MARCHF5: variants seen among roughly 807,000 people sequenced by gnomAD.
MARCHF5 encodes membrane associated ring-CH-type finger 5.
MARCHF5 carries 5 observed loss-of-function variants against 36.5 expected under a neutral mutation model. That is an observed-to-expected ratio of 0.14 (90% CI 0.07 to 0.29). MARCHF5 has a LOEUF of 0.29. MARCHF5 is among the 10% of genes least tolerant of loss of function. MARCHF5 has a pLI of 1.00. For missense variants in MARCHF5, 179 were observed against 336.3 expected (o/e 0.53, Z 3.66); for synonymous variants, 103 against 109.9 (o/e 0.94, Z 0.39).
intron 2 of MARCHF5, among the ~76,000 whole-genome samples, chr10:92,321,136 A>G (rs1843284743): frequency 6.6e-6 from 1 of 152,096 alleles, no homozygotes; most frequent in Admixed American, 6.6e-5. Flanking sequence ...TAAATAGGCT[A>G]CACCATACCG....
At chr10:92,348,075 C>T (rs1056067174) in intron 3 of MARCHF5, among the ~76,000 whole-genome samples, 1 of 151,576 alleles carries the variant, frequency 6.6e-6, no homozygotes, top group African/African-American at 2.4e-5. Flanking sequence ...CCCAGCTACT[C>T]GAAAGGCTGA....
At chr10:92,336,857 T>C (rs974856589) in intron 2 of MARCHF5, among the ~76,000 whole-genome samples, 1 of 152,204 alleles carries the variant, frequency 6.6e-6, no homozygotes, top group Non-Finnish European at 1.5e-5. Context: ...GCCCAGTGGC[T>C]CACTGCTGTA....
chr10:92,350,016 A>C, intron 5 of MARCHF5, 179 bp downstream of exon 5: 1 of 583,858 alleles, frequency 1.7e-6, no homozygotes, highest in Non-Finnish European at 3.0e-6. Context: ...AAACCACTGC[A>C]GCAGTTCTGG....
intron 1 of MARCHF5, among the ~76,000 whole-genome samples, chr10:92,301,545 GT>G (rs1843011874): frequency 6.6e-6 from 1 of 152,182 alleles, no homozygotes; most frequent in Admixed American, 6.5e-5. Context: ...GGGATTAATT[GT>G]GCTTTCAGAG....
chr10:92,349,039 A>G (rs1040340322), intron 3 of MARCHF5, among the ~76,000 whole-genome samples: 1 of 152,192 alleles, frequency 6.6e-6, no homozygotes, highest in Non-Finnish European at 1.5e-5. Flanking sequence ...CAGTCTAACC[A>G]AATCAAATAA....
intron 3 of MARCHF5, among the ~76,000 whole-genome samples, chr10:92,341,847 G>A (rs1397793011): frequency 7.1e-6 from 1 of 141,022 alleles, no homozygotes; most frequent in Non-Finnish European, 1.5e-5. Flanking sequence ...TGGGCATGTG[G>A]TGGCACAGTC....
At chr10:92,314,086 T>C (rs1843178356) in intron 2 of MARCHF5, among the ~76,000 whole-genome samples, 1 of 151,772 alleles carries the variant, frequency 6.6e-6, no homozygotes, top group African/African-American at 2.4e-5. Flanking sequence ...AGCACACCTG[T>C]TGTAAGTCCT....
At chr10:92,346,179 C>T (rs1207956133) in intron 3 of MARCHF5, among the ~76,000 whole-genome samples, 1 of 152,172 alleles carries the variant, frequency 6.6e-6, no homozygotes, top group African/African-American at 2.4e-5. Context: ...TGCTTAATCA[C>T]CTTTCATTTA....
intron 2 of MARCHF5, among the ~76,000 whole-genome samples, chr10:92,331,941 G>GTA (rs1188909358): frequency 3.1e-5 from 4 of 129,944 alleles, no homozygotes; most frequent in East Asian, 2.2e-4. Flanking sequence ...ATATATAATC[G>GTA]TATATATATG....
At position 92,291,328 on chromosome 10, in the gene MARCHF5, C is replaced by G. The variant is rs2274454; in HGVS notation, c.-167C>G. 4.2e-5 allele frequency: 28 copies of G among 663,824 alleles called. No individual in the cohort carries two copies. The highest frequency in any genetic ancestry group is 1.4e-4 in the Admixed American group (6 of 42,972). The allele number at this position is 663,824 out of a possible 1,614,324, so 41.1% of individuals were successfully genotyped here. A position where few individuals can be genotyped will look rare whatever the true frequency, so the allele number is the denominator to read the frequency against. On this transcript the variant is annotated 5_prime_UTR_variant, in exon 1 of 6. Transcript: ENST00000358935. ...CGCCTCCGCCGGACTCCCGCAGGCC[C>G]TGCACCGCCGCCGCCAGGCTAGCGG...
At chr10:92,310,669 A>G (rs1260183562) in intron 1 of MARCHF5, among the ~76,000 whole-genome samples, 1 of 152,018 alleles carries the variant, frequency 6.6e-6, no homozygotes, top group Non-Finnish European at 1.5e-5. Context: ...TCCTCAGCTG[A>G]AAAATGGAAT....
intron 1 of MARCHF5, among the ~76,000 whole-genome samples, chr10:92,298,982 CTT>C (rs550636620): frequency 2.1e-5 from 3 of 145,628 alleles, no homozygotes. Context: ...TTTTTTTAAA[CTT>C]TTTTTTTTTT....
At chr10:92,316,732 T>A (rs1484469459) in intron 2 of MARCHF5, among the ~76,000 whole-genome samples, 1 of 151,520 alleles carries the variant, frequency 6.6e-6, no homozygotes, top group Non-Finnish European at 1.5e-5. Flanking sequence ...CCAGCTAATT[T>A]TTTTTTTCTT....
chr10:92,322,485 G>T (rs188146315), intron 2 of MARCHF5, among the ~76,000 whole-genome samples: 1 of 136,050 alleles, frequency 7.4e-6, no homozygotes, highest in Admixed American at 7.9e-5. Flanking sequence ...TGTCAAACAT[G>T]CTGGGATGCA....
At chr10:92,322,280 CAG>C (rs919156566) in intron 2 of MARCHF5, among the ~76,000 whole-genome samples, 2 of 136,864 alleles carry the variant, frequency 1.5e-5, no homozygotes, top group South Asian at 2.5e-4. Flanking sequence ...AAAGATTTGT[CAG>C]AGTTTTTTCT....
At chr10:92,325,821 G>C (rs936213381) in intron 2 of MARCHF5, among the ~76,000 whole-genome samples, 5 of 152,116 alleles carry the variant, frequency 3.3e-5, no homozygotes, top group Admixed American at 2.0e-4. Flanking sequence ...GGGATTACAG[G>C]TGTGCACCAC....
At chr10:92,321,454 T>A (rs1187357232) in intron 2 of MARCHF5, among the ~76,000 whole-genome samples, 1 of 152,136 alleles carries the variant, frequency 6.6e-6, no homozygotes, top group Non-Finnish European at 1.5e-5. Flanking sequence ...GGATAAGTTC[T>A]ACTTGGTCAT....
intron 3 of MARCHF5, among the ~76,000 whole-genome samples, chr10:92,344,687 A>G (rs963558715): frequency 6.6e-6 from 1 of 152,226 alleles, no homozygotes; most frequent in Admixed American, 6.5e-5. Context: ...CTGCAGTACA[A>G]GTAAACCAAA....
intron 2 of MARCHF5, among the ~76,000 whole-genome samples, chr10:92,321,264 T>A (rs941098546): frequency 2.6e-5 from 4 of 152,102 alleles, no homozygotes; most frequent in Admixed American, 6.5e-5. Context: ...AGAGATGGCC[T>A]TTATCAGGTT....
Sources: gnomAD v4.1 joint callset for allele counts (sites outside exome capture counted in the v4.1 genomes callset) on GRCh38, gnomAD v4.1.1 for gene constraint, MANE v1.5 for transcripts, NCBI Gene and HGNC (gene_info 2026-07-23, HGNC 2026-07-21) for gene names.